ATP11A: variants seen among roughly 807,000 people sequenced by gnomAD.
ATP11A encodes ATPase phospholipid transporting 11A.
In ATP11A, 81 loss-of-function variants were observed where a neutral mutation model predicts 154.4. That is an observed-to-expected ratio of 0.52 (90% CI 0.44 to 0.63). The LOEUF is 0.63. ATP11A is among the 30% of genes least tolerant of loss of function. ATP11A has a pLI of 0.00. For missense variants in ATP11A, 1,316 were observed against 1,474.3 expected (o/e 0.89, Z 1.76); for synonymous variants, 623 against 585.9 (o/e 1.06, Z -0.91).
intron 1 of ATP11A, among the ~76,000 whole-genome samples, chr13:112,781,775 T>A (rs2077505265): frequency 2.1e-5 from 3 of 142,206 alleles, no homozygotes. Context: ...TAAACTTGCT[T>A]TCACTTTGCA....
At chr13:112,775,508 C>T (rs941516154) in intron 1 of ATP11A, among the ~76,000 whole-genome samples, 1 of 152,202 alleles carries the variant, frequency 6.6e-6, no homozygotes, top group African/African-American at 2.4e-5. Context: ...GCAGTTTTCT[C>T]CTCTCCTACT....
intron 14 of ATP11A, 122 bp from the exon 15 acceptor site, chr13:112,834,463 ATCTC>A: frequency 1.5e-6 from 1 of 668,736 alleles, no homozygotes; most frequent in East Asian, 2.6e-5. Flanking sequence ...GCAGTTTATA[ATCTC>A]TGTTTAACTG....
rs118081622 is a variant in ATP11A, at chr13:112,741,828, G to A, written c.40-43307G>A. On this transcript the variant is annotated intron_variant, in intron 1 of 29. Transcript: ENST00000375645. ...TTTTGAGCCTCACAGTGACTGTTCC[G>A]GGTCCAGGGGAGTAAAGAGTGCTCT... Among the ~76,000 whole-genome samples the A allele has an allele frequency of 8.8e-3, 1,341 of 152,180 alleles. 14 individuals carry two copies. The highest frequency in any genetic ancestry group is 0.017 in the Middle Eastern group (5 of 294).
At chr13:112,757,222 A>T (rs1276634494) in intron 1 of ATP11A, among the ~76,000 whole-genome samples, 3 of 152,242 alleles carry the variant, frequency 2.0e-5, no homozygotes, top group Non-Finnish European at 4.4e-5. Context: ...CTGGGAATAG[A>T]GCTGTGCTCA....
rs772872013 is a variant in ATP11A, at chr13:112,858,155, C to T, written c.2532C>T (p.Gly844=). 63 of 1,613,334 alleles carry T rather than the reference C, an allele frequency of 3.9e-5. No homozygotes were observed. Among genetic ancestry groups the T allele is most frequent in the Middle Eastern group, 3.3e-4 (2 of 6,024 alleles). ...ACCTCCGTCTTCTAGGTGTCATCGGCAAGGAAGGCCGCCAGGCTGCCAGGA... is the reference window on the plus strand; with the variant it reads ...ACCTCCGTCTTCTAGGTGTCATCGGTAAGGAAGGCCGCCAGGCTGCCAGGA... The part of the protein sequence containing the change: ...LEAHVGIGVI[G]KEGRQAARNS... The change falls in exon 22 of 30, where the codon GGC becomes GGT. Residue 844 remains glycine (G), a synonymous_variant. Transcript: ENST00000375645.
intron 1 of ATP11A, among the ~76,000 whole-genome samples, chr13:112,739,442 G>T (rs1214571294): frequency 6.6e-6 from 1 of 152,234 alleles, no homozygotes; most frequent in Non-Finnish European, 1.5e-5. Context: ...CACTAAGAGG[G>T]CTGTAATAAA....
In ATP11A at chr13:112,785,299, A is replaced by G. The variant is rs2077596848; in HGVS notation, c.162+42A>G. The G allele has an allele frequency of 1.4e-6, 2 of 1,392,898 alleles. No individual in the cohort carries two copies. Among genetic ancestry groups the G allele is most frequent in the Non-Finnish European group, 9.4e-7 (1 of 1,062,932 alleles). The allele number at this position is 1,392,898 out of a possible 1,614,324, so 86.3% of individuals were successfully genotyped here. On this transcript the variant is annotated intron_variant, in intron 2 of 29. Transcript: ENST00000375645. The surrounding 1 kb of genome is among the most constrained non-coding windows in gnomAD (Gnocchi z 4.8). ...CTGAGTGTCCATAATGTGTCTAAAA[A>G]GCAGCTGCCGGGGGGTGTTAGTGCT...
Position 112,831,486 on chromosome 13 carries a change from C to T in ATP11A, c.1333C>T (p.Gln445Ter), listed in dbSNP as rs1379626293. 1.2e-6 allele frequency: 2 copies of T among 1,614,200 alleles called. No homozygotes were observed. ...VYVPHVICNGQVLPESSGIDM... is the reference protein window; with the variant it reads ...VYVPHVICNG ...CGTGCCCCACGTCATCTGCAACGGGCAGGTCCTCCCAGAGTCGTCAGGAAT... is the reference window on the plus strand; with the variant it reads ...CGTGCCCCACGTCATCTGCAACGGGTAGGTCCTCCCAGAGTCGTCAGGAAT... Residue 445 changes from glutamine (Q) to a stop codon, truncating the protein, a stop_gained, in exon 13 of 30, where the codon CAG becomes TAG. Coordinates refer to ENST00000375645, the MANE Select transcript of ATP11A (RefSeq NM_015205.3). LOFTEE classifies it high-confidence loss of function.
chr13:112,881,550 G>C, intron 29 of ATP11A: 3 of 1,150,284 alleles, frequency 2.6e-6, no homozygotes, highest in Non-Finnish European at 3.3e-6. Context: ...TCTTCCCTGG[G>C]ATGGTGGGAC....
At chr13:112,795,094 A>T (rs1177235127) in intron 2 of ATP11A, among the ~76,000 whole-genome samples, 2 of 150,918 alleles carry the variant, frequency 1.3e-5, no homozygotes, top group Non-Finnish European at 2.9e-5. Context: ...AAATACAAAA[A>T]TTAGCCGGGC....
intron 1 of ATP11A, among the ~76,000 whole-genome samples, chr13:112,738,146 C>G (rs942732560): frequency 2.0e-5 from 3 of 152,004 alleles, no homozygotes; most frequent in Admixed American, 2.0e-4. Context: ...CTGAGGCAGG[C>G]AGATCATTTG....
chr13:112,818,124 TTTGTGCGCTTGGTG>T, intron 6 of ATP11A, among the ~76,000 whole-genome samples: 1 of 152,108 alleles, frequency 6.6e-6, no homozygotes, highest in African/African-American at 2.4e-5. Context: ...ACAGTGACCG[TTTGTGCGCTTGGTG>T]ACACGGCGGT....
intron 1 of ATP11A, among the ~76,000 whole-genome samples, chr13:112,714,435 G>A (rs1043663564): frequency 1.2e-4 from 19 of 152,090 alleles, no homozygotes; most frequent in African/African-American, 4.3e-4. Flanking sequence ...CGGTGTGGAG[G>A]AGACCTGAAG....
chr13:112,773,768 G>C (rs1457948859), intron 1 of ATP11A, among the ~76,000 whole-genome samples: 1 of 152,260 alleles, frequency 6.6e-6, no homozygotes, highest in African/African-American at 2.4e-5. Flanking sequence ...TGTGGCACCT[G>C]CCAACGCCCC....
chr13:112,695,972 T>C (rs1349347427), intron 1 of ATP11A, among the ~76,000 whole-genome samples: 2 of 152,236 alleles, frequency 1.3e-5, no homozygotes, highest in Admixed American at 1.3e-4. Context: ...TGGATATTAT[T>C]ATCTGAGAAG....
intron 1 of ATP11A, among the ~76,000 whole-genome samples, chr13:112,775,340 C>T (rs1236784931): frequency 1.3e-5 from 2 of 152,250 alleles, no homozygotes; most frequent in Admixed American, 6.5e-5. Context: ...CCTCTTCCTT[C>T]CTACCACACA....
chr13:112,756,744 G>T (rs1057148214), intron 1 of ATP11A, among the ~76,000 whole-genome samples: 4 of 152,214 alleles, frequency 2.6e-5, no homozygotes, highest in Non-Finnish European at 4.4e-5. Context: ...CCCCAGGGCA[G>T]CCTGTGTGGT....
intron 5 of ATP11A, chr13:112,811,585 T>C (rs1422164939): frequency 3.9e-5 from 6 of 152,188 alleles, no homozygotes; most frequent in Non-Finnish European, 8.8e-5. Flanking sequence ...CATTGAAGAT[T>C]GCATTTTTTT....
At chr13:112,698,858 A>G (rs994451731) in intron 1 of ATP11A, among the ~76,000 whole-genome samples, 1 of 151,986 alleles carries the variant, frequency 6.6e-6, no homozygotes, top group African/African-American at 2.4e-5. Context: ...GGTAGCTTGG[A>G]TTACAGGCGC....
Sources: allele counts gnomAD v4.1 joint callset (sites outside exome capture counted in the v4.1 genomes callset), GRCh38; gene constraint gnomAD v4.1.1; non-coding constraint Gnocchi (gnomAD v3.1); transcripts MANE v1.5; gene names NCBI Gene and HGNC (gene_info 2026-07-23, HGNC 2026-07-21).